Variants in BLK observed in about 807,000 individuals in gnomAD.
The protein encoded by BLK is tyrosine-protein kinase Blk.
A neutral mutation model predicts 61.8 loss-of-function variants in BLK; 64 were observed. That is an observed-to-expected ratio of 1.03 (90% confidence interval 0.85 to 1.27). The LOEUF (loss-of-function observed/expected upper bound fraction) is 1.27, where lower values mean the gene tolerates loss of function less well. Ranked by LOEUF, BLK falls within the 50% of genes most tolerant of loss-of-function variation. The pLI, the probability that BLK is intolerant of heterozygous loss-of-function variation, is 0.00. For missense variants in BLK, 853 were observed against 660.5 expected, an observed-to-expected ratio of 1.29 and a Z score of -3.19; for synonymous variants, 351 against 272.0, an observed-to-expected ratio of 1.29 and a Z score of -2.86.
intron 10 of BLK, chr8:11,560,808 T>C (rs1430587987): frequency 2.2e-6 from 1 of 455,574 alleles, no homozygotes; most frequent in African/African-American, 2.0e-5. Context: ...ATCCCTCATG[T>C]TCCATGTCAG....
chr8:11,563,666 G>A (rs1352716829), intron 12 of BLK, among the ~76,000 whole-genome samples: 2 of 152,208 alleles, frequency 1.3e-5, no homozygotes, highest in African/African-American at 2.4e-5. Flanking sequence ...GACCTGCCCC[G>A]TACTCAGGAG....
rs532145314 is a variant in BLK, at chr8:11,527,358, T to C, written c.-1-15866T>C. 1.3e-4 allele frequency among the ~76,000 whole-genome samples: 20 copies of C among 152,312 alleles called. No individual in the cohort carries two copies. In the East Asian group the frequency reaches 3.1e-3, roughly 23 times the overall value. Reference sequence around the variant, plus strand: ...TCCACCACAATCAAAATGGACAACATTTTCACCACCCCAATAAGTTTCCTT... The same window carrying C: ...TCCACCACAATCAAAATGGACAACACTTTCACCACCCCAATAAGTTTCCTT... On this transcript the variant is annotated intron_variant, in intron 1 of 12. Transcript: ENST00000259089.
At chr8:11,562,935 C>T (rs774907609) in intron 11 of BLK, 44 bp from the exon 12 acceptor site, 1 of 1,612,672 alleles carries the variant, frequency 6.2e-7, no homozygotes, top group East Asian at 2.2e-5. Context: ...AGGGTAGGGG[C>T]CACCGGCCGT....
chr8:11,561,920 G>A (rs1209635496), intron 11 of BLK, among the ~76,000 whole-genome samples: 1 of 151,922 alleles, frequency 6.6e-6, no homozygotes, highest in Non-Finnish European at 1.5e-5. Flanking sequence ...CTGGGTTCAA[G>A]CAATTCTTCT....
chr8:11,560,713 C>T, intron 10 of BLK: 1 of 381,880 alleles, frequency 2.6e-6, no homozygotes, highest in Non-Finnish European at 5.3e-6. Context: ...CCTGGGTGCC[C>T]CCACGGGGCA....
In BLK at chr8:11,561,404, G is replaced by A. The variant is rs139923395; in HGVS notation, c.1132G>A (p.Asp378Asn). Residue 378 changes from aspartate (D) to asparagine (N), a missense_variant, in exon 11 of 13, where the codon GAT becomes AAT. Coordinates refer to ENST00000259089, the MANE Select transcript of BLK (RefSeq NM_001715.3). ...TGAGGCCTTGTGCTGCAAAATTGCTGATTTTGGCTTGGCTCGAATCATCGA... is the reference window on the plus strand; with the variant it reads ...TGAGGCCTTGTGCTGCAAAATTGCTAATTTTGGCTTGGCTCGAATCATCGA... ...VSEALCCKIADFGLARIIDSE... is the reference protein window; with the variant it reads ...VSEALCCKIANFGLARIIDSE... 6.2e-7 allele frequency: 1 copy of A among 1,614,164 alleles called. No homozygotes were observed. The highest frequency in any genetic ancestry group is 1.1e-5 in the South Asian group (1 of 91,068).
At chr8:11,533,833 A>T (rs112073397) in intron 1 of BLK, among the ~76,000 whole-genome samples, 196 of 152,386 alleles carry the variant, frequency 1.3e-3, no homozygotes, top group African/African-American at 4.1e-3. Flanking sequence ...CTAATATGTA[A>T]GAAATGTTTG....
In BLK at chr8:11,561,354, T is replaced by C. The variant is rs763350654; in HGVS notation, c.1082T>C (p.Leu361Pro). The change falls in exon 11 of 13, where the codon CTG becomes CCG. Residue 361 changes from leucine to proline, a missense_variant. Physicochemically the swap from Leu to Pro is moderately conservative, Grantham distance 98 (BLOSUM62 -3). Transcript: ENST00000259089. ...IERMNSIHRD[L>P]RAANILVSEA... The stretch of plus-strand genomic sequence containing the variant: ...CGCATGAATTCCATCCACCGCGACC[T>C]GCGGGCGGCCAACATCCTGGTGTCT... The C allele has an allele frequency of 6.2e-7, 1 of 1,614,096 alleles. No homozygotes were observed. Among genetic ancestry groups the C allele is most frequent in the South Asian group, 1.1e-5 (1 of 91,052 alleles).
chr8:11,535,537 T>G (rs1418787036), intron 1 of BLK, among the ~76,000 whole-genome samples: 1 of 152,224 alleles, frequency 6.6e-6, no homozygotes, highest in Non-Finnish European at 1.5e-5. Flanking sequence ...TTTTTTCTAG[T>G]GTTCCCAGTT....
intron 5 of BLK, 151 bp downstream of exon 5, chr8:11,549,273 G>A: frequency 1.3e-6 from 1 of 754,378 alleles, no homozygotes. Flanking sequence ...TGCTGGGAAA[G>A]GCCTCTCTGC....
rs2255215 is a variant in BLK at position 11,553,160 on chromosome 8, A to G, written c.473-1583A>G. The G allele has an allele frequency of 9.8e-3, 1,869 of 189,846 alleles. 43 individuals are homozygous for G. The highest frequency in any genetic ancestry group is 0.039 in the African/African-American group (1,663 of 42,712). 11.8% of individuals were successfully genotyped at this position (189,846 alleles called of 1,614,324 possible). A position where few individuals can be genotyped will look rare whatever the true frequency, so the allele number is the denominator to read the frequency against. ...AGACCCCTCTGCTTCTCCGAGCCAC[A>G]GCAGTGAATGCAAGACAGGGATGGA... On this transcript the variant is annotated intron_variant, in intron 6 of 12. Transcript: ENST00000259089.
In BLK at chr8:11,564,155, C is replaced by T. The variant is rs1336287959; in HGVS notation, c.*47C>T. 6.0e-5 allele frequency: 92 copies of T among 1,527,792 alleles called. No individual in the cohort carries two copies. The highest frequency in any genetic ancestry group is 7.3e-5 in the Non-Finnish European group (83 of 1,140,308). 94.6% of individuals were successfully genotyped at this position (1,527,792 alleles called of 1,614,324 possible). ...CCGTGCCCACCTCTGCGCGGACGAC[C>T]CCGACTTCCGTGCCATCCCAGACGG... On this transcript the variant is annotated 3_prime_UTR_variant, in exon 13 of 13. Transcript: ENST00000259089.
At chr8:11,552,979 TACAC>T (rs1413953152) in intron 6 of BLK, 1 of 156,124 alleles carries the variant, frequency 6.4e-6, no homozygotes, top group African/African-American at 2.4e-5. Context: ...TGTGCACACA[TACAC>T]ATGCAAACAC....
At position 11,550,187 on chromosome 8, in the gene BLK, G is replaced by A. The variant is rs776062791; in HGVS notation, c.397G>A (p.Glu133Lys). 6.2e-7 allele frequency: 1 copy of A among 1,614,168 alleles called. No homozygotes were observed. The highest frequency in any genetic ancestry group is 8.5e-7 in the Non-Finnish European group (1 of 1,180,012). Residue 133 changes from glutamate (E) to lysine (K), a missense_variant, in exon 6 of 13, where the codon GAG becomes AAG. Transcript: ENST00000259089. ...GTTCTTTAGATCACAGGGTCGGAAG[G>A]AGGCTGAGAGGCAGCTTCTTGCTCC... ...RWFFRSQGRK[E>K]AERQLLAPIN...
chr8:11,502,925 C>A (rs1223849387), intron 1 of BLK, among the ~76,000 whole-genome samples: 1 of 152,178 alleles, frequency 6.6e-6, no homozygotes, highest in Non-Finnish European at 1.5e-5. Context: ...GCTGTCATGT[C>A]CCTACACCAG....
At chr8:11,510,319 G>T (rs1217736290) in intron 1 of BLK, among the ~76,000 whole-genome samples, 1 of 152,150 alleles carries the variant, frequency 6.6e-6, no homozygotes, top group Non-Finnish European at 1.5e-5. Context: ...TTGCTGGCCA[G>T]GGTTACTGGT....
At chr8:11,536,495 A>G (rs1800138540) in intron 1 of BLK, among the ~76,000 whole-genome samples, 1 of 152,146 alleles carries the variant, frequency 6.6e-6, no homozygotes, top group Non-Finnish European at 1.5e-5. Flanking sequence ...GTTTCAAGCG[A>G]TTCTCCCACC....
chr8:11,550,102 G>T (rs1376793305), intron 5 of BLK, 57 bp from the exon 6 acceptor site: 160 of 1,483,832 alleles, frequency 1.1e-4, no homozygotes, highest in Non-Finnish European at 1.5e-4. Context: ...AGGCTGTGTG[G>T]GAATACTCCG....
chr8:11,519,105 A>T (rs548445685), intron 1 of BLK, among the ~76,000 whole-genome samples: 5 of 152,106 alleles, frequency 3.3e-5, no homozygotes, highest in Non-Finnish European at 5.9e-5. Context: ...CCCTGCATCA[A>T]CTAGAATATG....
Sources: allele counts gnomAD v4.1 joint callset (sites outside exome capture counted in the v4.1 genomes callset), GRCh38; gene constraint gnomAD v4.1.1; transcripts MANE v1.5; gene names NCBI Gene and HGNC (gene_info 2026-07-23, HGNC 2026-07-21).